Variants in SPATS2L observed in about 807,000 individuals in gnomAD.
The protein encoded by SPATS2L is SPATS2-like protein.
In SPATS2L, 30 loss-of-function variants were observed where a neutral mutation model predicts 59.6. The ratio of observed to expected loss-of-function variants is 0.50; its 90% CI spans 0.38 to 0.68. SPATS2L has a LOEUF of 0.68. Among genes scored for constraint, SPATS2L ranks in the 30% least tolerant of loss-of-function variants. The pLI is 0.00. For missense variants in SPATS2L, 615 were observed against 700.0 expected (o/e 0.88, Z 1.37); for synonymous variants, 252 against 263.5 (o/e 0.96, Z 0.42).
At chr2:200,413,885 C>T in intron 4 of SPATS2L, among the ~76,000 whole-genome samples, 1 of 152,124 alleles carries the variant, frequency 6.6e-6, no homozygotes, top group East Asian at 1.9e-4. Context: ...CTAAGAGATA[C>T]ATAATTTTTA....
chr2:200,427,746 G>C (rs2083661957), intron 6 of SPATS2L, among the ~76,000 whole-genome samples: 1 of 152,040 alleles, frequency 6.6e-6, no homozygotes, highest in South Asian at 2.1e-4. Context: ...GCATAAACCT[G>C]TCTATTTTGG....
chr2:200,365,923 C>G (rs1332951723), intron 2 of SPATS2L, among the ~76,000 whole-genome samples: 1 of 152,192 alleles, frequency 6.6e-6, no homozygotes, highest in Non-Finnish European at 1.5e-5. Context: ...GGACTCAGCA[C>G]AAGCCTATAT....
intron 6 of SPATS2L, among the ~76,000 whole-genome samples, chr2:200,438,355 A>G (rs2084447144): frequency 6.6e-6 from 1 of 152,162 alleles, no homozygotes; most frequent in Non-Finnish European, 1.5e-5. Context: ...CTCACACCCA[A>G]AACTTTCTCT....
chr2:200,313,735 C>T (rs1345436163), intron 1 of SPATS2L, among the ~76,000 whole-genome samples: 1 of 152,154 alleles, frequency 6.6e-6, no homozygotes, highest in Non-Finnish European at 1.5e-5. Flanking sequence ...GTACACATCC[C>T]GCACCTCGCC....
intron 6 of SPATS2L, among the ~76,000 whole-genome samples, chr2:200,419,789 C>T (rs954364563): frequency 2.0e-5 from 3 of 149,788 alleles, no homozygotes; most frequent in Non-Finnish European, 3.0e-5. Context: ...CTCACTGCAG[C>T]TGCAGTCTTG....
chr2:200,473,768 G>A (rs1379871652), intron 12 of SPATS2L, among the ~76,000 whole-genome samples: 4 of 152,164 alleles, frequency 2.6e-5, no homozygotes, highest in Non-Finnish European at 5.9e-5. Context: ...GGGAGGCCAA[G>A]GTGGGCAGAT....
intron 2 of SPATS2L, among the ~76,000 whole-genome samples, chr2:200,368,182 A>C (rs2081321818): frequency 6.6e-6 from 1 of 152,196 alleles, no homozygotes; most frequent in African/African-American, 2.4e-5. Context: ...CCAAAAACCC[A>C]AAAGAAGATG....
intron 1 of SPATS2L, among the ~76,000 whole-genome samples, chr2:200,328,046 C>T (rs1333065442): frequency 6.6e-6 from 1 of 152,200 alleles, no homozygotes; most frequent in East Asian, 1.9e-4. Flanking sequence ...CATTGGTTTT[C>T]TTGTTTCTGC....
intron 2 of SPATS2L, among the ~76,000 whole-genome samples, chr2:200,349,483 A>G (rs970049275): frequency 2.6e-5 from 4 of 152,196 alleles, no homozygotes; most frequent in African/African-American, 9.7e-5. Context: ...TAAAAGTACA[A>G]AAAAATTAGC....
intron 2 of SPATS2L, among the ~76,000 whole-genome samples, chr2:200,354,617 G>A (rs295143): frequency 0.98 from 147,845 of 150,924 alleles, 72,466 homozygotes; most frequent in Middle Eastern, 1. Context: ...CAAAAAAAAA[G>A]AGAATGGAGT....
chr2:200,451,837 C>CTTTTT (rs778156956), intron 8 of SPATS2L, among the ~76,000 whole-genome samples: 12 of 150,512 alleles, frequency 8.0e-5, no homozygotes, highest in African/African-American at 2.9e-4. Context: ...TTTTTCTTTT[C>CTTTTT]TTTTTTTGGA....
intron 9 of SPATS2L, among the ~76,000 whole-genome samples, chr2:200,465,935 C>T (rs1359171484): frequency 6.6e-6 from 1 of 152,036 alleles, no homozygotes. Flanking sequence ...AGGAGGCTGA[C>T]GCAGGAGAAT....
chr2:200,416,917 C>T (rs1486107735), intron 5 of SPATS2L, among the ~76,000 whole-genome samples: 1 of 152,104 alleles, frequency 6.6e-6, no homozygotes, highest in Non-Finnish European at 1.5e-5. Flanking sequence ...AAAGAAAATG[C>T]CTTAGAACCA....
intron 9 of SPATS2L, among the ~76,000 whole-genome samples, chr2:200,463,671 T>C (rs1451146271): frequency 6.6e-6 from 1 of 152,190 alleles, no homozygotes; most frequent in Non-Finnish European, 1.5e-5. Flanking sequence ...AAACTTCCTG[T>C]TTATACCCAC....
intron 2 of SPATS2L, among the ~76,000 whole-genome samples, chr2:200,377,811 G>T (rs968008659): frequency 6.6e-6 from 1 of 152,062 alleles, no homozygotes; most frequent in East Asian, 1.9e-4. Flanking sequence ...GTAGAACCAG[G>T]AACTGGTTTC....
chr2:200,336,911 A>G (rs534372345), intron 2 of SPATS2L, among the ~76,000 whole-genome samples: 13 of 152,006 alleles, frequency 8.6e-5, no homozygotes, highest in African/African-American at 2.7e-4. Flanking sequence ...CAAATTTCAT[A>G]TTGTTCATAC....
chr2:200,391,295 CTT>C (rs780010717), intron 3 of SPATS2L, among the ~76,000 whole-genome samples: 23 of 152,200 alleles, frequency 1.5e-4, no homozygotes, highest in Non-Finnish European at 2.8e-4. Context: ...TTACTTCAAA[CTT>C]ACTGTAGTTG....
intron 3 of SPATS2L, among the ~76,000 whole-genome samples, chr2:200,403,181 G>A (rs2082585896): frequency 6.6e-6 from 1 of 152,084 alleles, no homozygotes; most frequent in Non-Finnish European, 1.5e-5. Context: ...GGATAAACGG[G>A]GCCCAACCAA....
chr2:200,381,799 T>G (rs1026442057), intron 2 of SPATS2L, among the ~76,000 whole-genome samples: 1 of 152,198 alleles, frequency 6.6e-6, no homozygotes, highest in African/African-American at 2.4e-5. Context: ...TGTCTTAGGA[T>G]CTACGTGATC....
Sources: allele counts gnomAD v4.1 joint callset (sites outside exome capture counted in the v4.1 genomes callset), GRCh38; gene constraint gnomAD v4.1.1; transcripts MANE v1.5; gene names NCBI Gene and HGNC (gene_info 2026-07-23, HGNC 2026-07-21).